Variants in THSD4 observed in about 807,000 individuals in gnomAD.
THSD4 encodes the protein thrombospondin type-1 domain-containing protein 4.
A neutral mutation model predicts 119.0 loss-of-function variants in THSD4; 69 were observed. The ratio of observed to expected loss-of-function variants is 0.58; its 90% CI spans 0.48 to 0.71. THSD4 has a LOEUF of 0.71. Among genes scored for constraint, THSD4 ranks in the 30% least tolerant of loss-of-function variants. THSD4 has a pLI of 0.00. For synonymous variants in THSD4, 524 were observed against 540.4 expected, an observed-to-expected ratio of 0.97 and a Z score of 0.42; for missense variants, 1,393 against 1,391.1, an observed-to-expected ratio of 1.00 and a Z score of -0.02.
At chr15:71,517,662 C>T (rs116510937) in intron 7 of THSD4, among the ~76,000 whole-genome samples, 3,331 of 152,302 alleles carry the variant, frequency 0.022, 137 homozygotes, top group African/African-American at 0.076. Context: ...ACGACTGTTT[C>T]CTGCTCAAAC....
At chr15:71,714,615 T>TG (rs989166713) in intron 8 of THSD4, among the ~76,000 whole-genome samples, 2 of 105,150 alleles carry the variant, frequency 1.9e-5, no homozygotes, top group Non-Finnish European at 4.7e-5. Context: ...GGAGGCCGAG[T>TG]GGGGGTGGAT....
intron 15 of THSD4, among the ~76,000 whole-genome samples, chr15:71,759,037 AG>A (rs2053589011): frequency 6.6e-6 from 1 of 152,218 alleles, no homozygotes; most frequent in African/African-American, 2.4e-5. Context: ...GGATGGTTAC[AG>A]ATATTATGGC....
chr15:71,569,993 C>CA (rs1567041913), intron 7 of THSD4, among the ~76,000 whole-genome samples: 1 of 146,036 alleles, frequency 6.8e-6, no homozygotes, highest in African/African-American at 2.5e-5. Context: ...GACTCTATTT[C>CA]AAAAAAATAA....
At chr15:71,280,711 T>G (rs555061572) in intron 6 of THSD4, among the ~76,000 whole-genome samples, 2 of 152,208 alleles carry the variant, frequency 1.3e-5, no homozygotes, top group African/African-American at 4.8e-5. Context: ...CCTCACTCTT[T>G]GCCCTGTTCT....
At chr15:71,226,363 G>T (rs2044018051) in intron 4 of THSD4, among the ~76,000 whole-genome samples, 1 of 152,162 alleles carries the variant, frequency 6.6e-6, no homozygotes, top group Non-Finnish European at 1.5e-5. Flanking sequence ...TGTGTGTACA[G>T]GAGTACGTGT....
intron 7 of THSD4, among the ~76,000 whole-genome samples, chr15:71,655,267 A>G (rs2051167093): frequency 1.3e-5 from 2 of 152,228 alleles, no homozygotes; most frequent in Non-Finnish European, 2.9e-5. Flanking sequence ...TTCGACAGGT[A>G]CCGTTTGAGC....
intron 5 of THSD4, among the ~76,000 whole-genome samples, chr15:71,248,651 G>A (rs996810690): frequency 6.6e-6 from 1 of 152,154 alleles, no homozygotes; most frequent in African/African-American, 2.4e-5. Context: ...TTTCCCTGGG[G>A]TAGGACTGGC....
intron 7 of THSD4, among the ~76,000 whole-genome samples, chr15:71,450,709 C>T (rs958158809): frequency 2.0e-5 from 3 of 152,122 alleles, no homozygotes; most frequent in Non-Finnish European, 2.9e-5. Context: ...TGGCTTGCCC[C>T]TCACCCTTCT....
At chr15:71,772,226 G>C (rs2053834744) in intron 17 of THSD4, among the ~76,000 whole-genome samples, 1 of 152,180 alleles carries the variant, frequency 6.6e-6, no homozygotes, top group African/African-American at 2.4e-5. Context: ...CAAATTGAAG[G>C]TTTTAATATA....
At chr15:71,242,593 T>A in intron 4 of THSD4, 56 bp from the exon 5 acceptor site, 1 of 1,563,290 alleles carries the variant, frequency 6.4e-7, no homozygotes, top group South Asian at 1.2e-5. Context: ...AGCTTCTGAG[T>A]TAACATGAAA....
intron 7 of THSD4, among the ~76,000 whole-genome samples, chr15:71,449,660 C>T (rs1172073910): frequency 2.0e-5 from 3 of 152,098 alleles, no homozygotes; most frequent in South Asian, 4.1e-4. Flanking sequence ...CGGTTGTCCC[C>T]ATCCTGTGTA....
At chr15:71,706,283 C>G (rs2052390515) in intron 8 of THSD4, among the ~76,000 whole-genome samples, 1 of 152,008 alleles carries the variant, frequency 6.6e-6, no homozygotes, top group African/African-American at 2.4e-5. Context: ...AAAGAAGAGC[C>G]AGGGGAACCC....
chr15:71,367,390 A>C (rs962608567), intron 6 of THSD4, among the ~76,000 whole-genome samples: 4 of 152,132 alleles, frequency 2.6e-5, no homozygotes, highest in African/African-American at 4.8e-5. Flanking sequence ...TGTGCTGCGC[A>C]CATTAACTCG....
At chr15:71,771,003 C>G in intron 16 of THSD4, 61 bp from the exon 17 acceptor site, 1 of 1,572,112 alleles carries the variant, frequency 6.4e-7, no homozygotes, top group South Asian at 1.2e-5. Flanking sequence ...TCTTCTTTCT[C>G]CAGTGTGCTG....
At chr15:71,615,933 T>G (rs915353867) in intron 7 of THSD4, among the ~76,000 whole-genome samples, 10 of 152,196 alleles carry the variant, frequency 6.6e-5, no homozygotes, top group African/African-American at 2.4e-4. Flanking sequence ...TAACCTTCTG[T>G]GCATTCATGT....
At chr15:71,135,991 G>GTTT (rs10540241) in intron 1 of THSD4, among the ~76,000 whole-genome samples, 5,627 of 68,976 alleles carry the variant, frequency 0.082, 919 homozygotes, top group African/African-American at 0.23. Flanking sequence ...GTTTAGTTTA[G>GTTT]TTTTTTTTTT....
intron 11 of THSD4, among the ~76,000 whole-genome samples, chr15:71,738,485 T>TTGGC (rs1245602641): frequency 6.6e-6 from 1 of 152,080 alleles, no homozygotes; most frequent in Non-Finnish European, 1.5e-5. Flanking sequence ...GGTTTAATGA[T>TTGGC]TGGCTCAAAG....
chr15:71,276,581 A>G lies in THSD4; in HGVS notation c.1015+19866A>G, dbSNP rs372159681. On this transcript the variant is annotated intron_variant, in intron 6 of 17. Coordinates refer to ENST00000261862, the MANE Select transcript of THSD4 (RefSeq NM_024817.3). ...TCTGTGCTGCCTCTTTGCCAGTTCT[A>G]TGGTTTTTCAATCTTTCCAATCATG... Among the ~76,000 whole-genome samples, 105 of 152,252 alleles carry G rather than the reference A, an allele frequency of 6.9e-4. 1 individual carries two copies. The highest frequency in any genetic ancestry group is 2.5e-3 in the African/African-American group (102 of 41,546).
chr15:71,146,443 G>GT (rs569407021), intron 2 of THSD4, among the ~76,000 whole-genome samples: 1,628 of 134,572 alleles, frequency 0.012, 13 homozygotes, highest in African/African-American at 0.023. Flanking sequence ...TTTGCCAGTA[G>GT]TTTTTTTTTT....
Sources: gnomAD v4.1 joint callset for allele counts (sites outside exome capture counted in the v4.1 genomes callset) on GRCh38, gnomAD v4.1.1 for gene constraint, MANE v1.5 for transcripts, NCBI Gene and HGNC (gene_info 2026-07-23, HGNC 2026-07-21) for gene names.